LGR5: variants seen among roughly 807,000 people sequenced by gnomAD.
LGR5 encodes leucine-rich repeat-containing G protein-coupled receptor 5.
LGR5 carries 54 observed loss-of-function variants against 76.7 expected under a neutral mutation model. The ratio of observed to expected loss-of-function variants is 0.70; its 90% CI spans 0.57 to 0.88. The LOEUF (loss-of-function observed/expected upper bound fraction) is 0.88, where lower values mean the gene tolerates loss of function less well. LGR5 is among the 40% of genes least tolerant of loss of function. LGR5 has a pLI of 0.00. For synonymous variants in LGR5, 406 were observed against 421.9 expected (o/e 0.96, Z 0.46); for missense variants, 1,078 against 1,073.3 (o/e 1.00, Z -0.06).
intron 4 of LGR5, among the ~76,000 whole-genome samples, chr12:71,540,599 T>C (rs953681499): frequency 1.3e-5 from 2 of 152,138 alleles, no homozygotes; most frequent in Non-Finnish European, 2.9e-5. Flanking sequence ...TGCATGGTAA[T>C]CTTTTCCTTA....
intron 3 of LGR5, 133 bp downstream of exon 3, chr12:71,524,610 T>C (rs1875892860): frequency 3.4e-6 from 2 of 583,258 alleles, no homozygotes; most frequent in Admixed American, 6.4e-5. Context: ...TCAAGTTTAC[T>C]TCATTGGTAC....
At position 71,566,745 on chromosome 12, in the gene LGR5, C is replaced by T. The variant is rs778902758; in HGVS notation, c.998+45C>T. ...TTGACTTTGCCCAGAACATACACTG[C>T]CATTAGAGCTTGATCAGTCTTAACA... On this transcript the variant is annotated intron_variant, in intron 10 of 17. Coordinates refer to ENST00000266674, the MANE Select transcript of LGR5 (RefSeq NM_003667.4). 1.9e-5 allele frequency: 30 copies of T among 1,570,538 alleles called. 1 individual carries two copies. In the South Asian group the frequency reaches 3.2e-4, roughly 17 times the overall value.
rs956052759 is a variant in LGR5 at position 71,579,036 on chromosome 12, G to A, written c.1406+107G>A. 7 of 1,001,708 alleles carry A rather than the reference G, an allele frequency of 7.0e-6. No homozygotes were observed. The Admixed American group carries it at 8.5e-5, about 12-fold the overall frequency. The allele number at this position is 1,001,708 out of a possible 1,614,324, so 62.1% of individuals were successfully genotyped here. A position where few individuals can be genotyped will look rare whatever the true frequency, so the allele number is the denominator to read the frequency against. ...TGAGGTCGTGAGACACTTTTGAATT[G>A]CATTTCATGCCCTCAAGTCTCCTAA... On this transcript the variant is annotated intron_variant, in intron 15 of 17. Coordinates refer to ENST00000266674, the MANE Select transcript of LGR5 (RefSeq NM_003667.4).
At chr12:71,497,472 T>TA (rs538563357) in intron 1 of LGR5, among the ~76,000 whole-genome samples, 1 of 151,930 alleles carries the variant, frequency 6.6e-6, no homozygotes, top group South Asian at 2.1e-4. Flanking sequence ...TATACTTCAA[T>TA]AAAAAAAATT....
At chr12:71,540,766 A>C (rs1439080098) in intron 4 of LGR5, among the ~76,000 whole-genome samples, 1 of 152,188 alleles carries the variant, frequency 6.6e-6, no homozygotes, top group Admixed American at 6.5e-5. Context: ...GACATGGGAT[A>C]TAGAATGGGA....
At chr12:71,492,905 G>A (rs1009696188) in intron 1 of LGR5, among the ~76,000 whole-genome samples, 1 of 150,958 alleles carries the variant, frequency 6.6e-6, no homozygotes, top group African/African-American at 2.5e-5. Flanking sequence ...TTGTTCTAAA[G>A]TTCTCTAAAA....
At chr12:71,453,717 T>A (rs573484988) in intron 1 of LGR5, among the ~76,000 whole-genome samples, 3,459 of 151,966 alleles carry the variant, frequency 0.023, 121 homozygotes, top group African/African-American at 0.079. Context: ...TTTTTTTTTT[T>A]TATATTAACT....
intron 1 of LGR5, among the ~76,000 whole-genome samples, chr12:71,472,750 T>C (rs1873154176): frequency 6.6e-6 from 1 of 152,244 alleles, no homozygotes; most frequent in Admixed American, 6.5e-5. Context: ...GATCCTTGTC[T>C]CTCAACACTG....
At chr12:71,468,392 A>G (rs1872946408) in intron 1 of LGR5, among the ~76,000 whole-genome samples, 1 of 152,208 alleles carries the variant, frequency 6.6e-6, no homozygotes, top group Non-Finnish European at 1.5e-5. Flanking sequence ...ACAATTGCAG[A>G]GTTGAAATAA....
chr12:71,517,002 TA>T (rs11321068), intron 2 of LGR5, among the ~76,000 whole-genome samples: 77,477 of 144,624 alleles, frequency 0.54, 20,561 homozygotes, highest in East Asian at 0.86. Context: ...GAAACAGCAT[TA>T]AAAAAAAAAA....
At chr12:71,498,130 T>C (rs1874419646) in intron 1 of LGR5, among the ~76,000 whole-genome samples, 1 of 152,068 alleles carries the variant, frequency 6.6e-6, no homozygotes, top group Admixed American at 6.6e-5. Context: ...CACCTTTCAA[T>C]GAATGAGAAT....
intron 8 of LGR5, 151 bp from the exon 9 acceptor site, chr12:71,566,253 C>A: frequency 1.6e-6 from 1 of 607,878 alleles, no homozygotes; most frequent in Non-Finnish European, 2.9e-6. Flanking sequence ...ACTTTTGAGG[C>A]TTGCCTGAAA....
At position 71,586,090 on chromosome 12, in the gene LGR5, T is replaced by G. The variant is rs1879305633; in HGVS notation, c.*1356T>G. The G allele has an allele frequency of 6.6e-6, 1 of 152,194 alleles. No homozygotes were observed. Among genetic ancestry groups the G allele is most frequent in the South Asian group, 2.1e-4 (1 of 4,832 alleles). The allele number at this position is 152,194 out of a possible 1,614,324, so 9.4% of individuals were successfully genotyped here. A position where few individuals can be genotyped will look rare whatever the true frequency, so the allele number is the denominator to read the frequency against. On this transcript the variant is annotated 3_prime_UTR_variant, in exon 18 of 18. Coordinates refer to ENST00000266674, the MANE Select transcript of LGR5 (RefSeq NM_003667.4). ...ATGTGTAAATATAGAACTGTATTTA[T>G]TACTATAGTAAAGGTTCAGTAACAT... is the stretch of plus-strand genomic sequence containing the variant.
rs1449999706 is a variant in LGR5, at chr12:71,440,361, C to T, written c.212+69C>T. 1.4e-6 allele frequency: 2 copies of T among 1,476,834 alleles called. No individual in the cohort carries two copies. The highest frequency in any genetic ancestry group is 1.8e-5 in the Admixed American group (1 of 56,112). 91.5% of individuals were successfully genotyped at this position (1,476,834 alleles called of 1,614,324 possible). ...GAAGGAAGGTTCGTCCAAGGCGAGG[C>T]TGGAGGCTCCTCGGCGCCCGCCTGC... is the stretch of plus-strand genomic sequence containing the variant. On this transcript the variant is annotated intron_variant, in intron 1 of 17. Transcript: ENST00000266674. This position sits in a 1 kb window ranked among gnomAD's most constrained non-coding sequence, Gnocchi z 5.3.
intron 1 of LGR5, among the ~76,000 whole-genome samples, chr12:71,498,366 A>G (rs1471726145): frequency 2.6e-5 from 4 of 152,196 alleles, no homozygotes; most frequent in Admixed American, 2.6e-4. Context: ...TTAAACAACA[A>G]AAACATATAT....
At chr12:71,532,906 A>G (rs953754026) in intron 3 of LGR5, among the ~76,000 whole-genome samples, 1 of 152,024 alleles carries the variant, frequency 6.6e-6, no homozygotes, top group African/African-American at 2.4e-5. Context: ...AGAAATGTTT[A>G]GATAGCTAGG....
At chr12:71,475,236 A>T (rs1873275847) in intron 1 of LGR5, among the ~76,000 whole-genome samples, 1 of 152,228 alleles carries the variant, frequency 6.6e-6, no homozygotes, top group Non-Finnish European at 1.5e-5. Flanking sequence ...GACAAAAAAA[A>T]GTTGGCTATC....
At position 71,443,160 on chromosome 12, in the gene LGR5, A is replaced by T. The variant is rs74706052; in HGVS notation, c.212+2868A>T. Among the ~76,000 whole-genome samples, 802 of 152,358 alleles carry T rather than the reference A, an allele frequency of 5.3e-3. 13 individuals carry two copies. The highest frequency in any genetic ancestry group is 0.018 in the African/African-American group (749 of 41,590). ...ATTGATGATGGCAAGTTCCAGCTGT[A>T]CACATTTGGCAAGTAGCTGTACACA... On this transcript the variant is annotated intron_variant, in intron 1 of 17. Coordinates refer to ENST00000266674, the MANE Select transcript of LGR5 (RefSeq NM_003667.4).
At chr12:71,534,689 C>G (rs1435170129) in intron 3 of LGR5, among the ~76,000 whole-genome samples, 1 of 152,196 alleles carries the variant, frequency 6.6e-6, no homozygotes, top group African/African-American at 2.4e-5. Flanking sequence ...GCTCCTTTAA[C>G]AAGTCAAGCA....
Sources: gnomAD v4.1 joint callset for allele counts (sites outside exome capture counted in the v4.1 genomes callset) on GRCh38, gnomAD v4.1.1 for gene constraint, Gnocchi (gnomAD v3.1) non-coding constraint, MANE v1.5 for transcripts, NCBI Gene and HGNC (gene_info 2026-07-23, HGNC 2026-07-21) for gene names.